MGAT5B: variants seen among roughly 807,000 people sequenced by gnomAD.
MGAT5B encodes alpha-1,6-mannosylglycoprotein 6-beta-N-acetylglucosaminyltransferase B.
In MGAT5B, 54 loss-of-function variants were observed where a neutral mutation model predicts 95.1. That is an observed-to-expected ratio of 0.57 (90% CI 0.46 to 0.71). MGAT5B has a LOEUF of 0.71. MGAT5B is among the 30% of genes least tolerant of loss of function. The pLI is 0.00. For missense variants in MGAT5B, 935 were observed against 1,088.6 expected, an observed-to-expected ratio of 0.86 and a Z score of 1.99; for synonymous variants, 464 against 451.0, an observed-to-expected ratio of 1.03 and a Z score of -0.36.
intron 3 of MGAT5B, among the ~76,000 whole-genome samples, chr17:76,901,032 TG>T (rs1292695343): frequency 9.2e-5 from 14 of 152,244 alleles, no homozygotes; most frequent in Admixed American, 6.5e-4. Context: ...ATCTGCCTTT[TG>T]TCCCCTCCAC....
At chr17:76,877,329 T>TA (rs34612127) in intron 2 of MGAT5B, among the ~76,000 whole-genome samples, 24,970 of 111,038 alleles carry the variant, frequency 0.22, 3,140 homozygotes, top group East Asian at 0.43. Context: ...TGTCTCGGCT[T>TA]AAAAAAAAAA....
At chr17:76,920,883 GTTC>G (rs1271274047) in intron 8 of MGAT5B, among the ~76,000 whole-genome samples, 4 of 152,252 alleles carry the variant, frequency 2.6e-5, no homozygotes, top group Non-Finnish European at 4.4e-5. Context: ...ATTGAAACCA[GTTC>G]TTCTCATCTA....
rs774514163 is a variant in MGAT5B, at chr17:76,926,648, C to T, written c.1209C>T (p.His403=). The part of the protein sequence containing the change: ...DTFGTEPAYN[H]EEYATLHGYR... ...TCGGGACGGAACCTGCGTACAACCA[C>T]GAGGAGTACGCCACGCTGCACGGCT... is the stretch of plus-strand genomic sequence containing the variant. The change falls in exon 10 of 18, where the codon CAC becomes CAT. Residue 403 remains histidine (H), a synonymous_variant. Transcript: ENST00000569840. 5.6e-6 allele frequency: 9 copies of T among 1,612,552 alleles called. No homozygotes were observed. The highest frequency in any genetic ancestry group is 2.2e-5 in the East Asian group (1 of 44,876).
rs1194796946 is a variant in MGAT5B at position 76,906,859 on chromosome 17, A to C, written c.1025+672A>C. 6.6e-6 allele frequency among the ~76,000 whole-genome samples: 1 copy of C among 152,008 alleles called. No homozygotes were observed. Among genetic ancestry groups the C allele is most frequent in the African/African-American group, 2.4e-5 (1 of 41,354 alleles). ...TCTTCTCTTTATTAATATTTATTGTAAGATATATGATGCATACAAAGTCTA... is the reference window on the plus strand; with the variant it reads ...TCTTCTCTTTATTAATATTTATTGTCAGATATATGATGCATACAAAGTCTA... On this transcript the variant is annotated intron_variant, in intron 8 of 17. Transcript: ENST00000569840. This position sits in a 1 kb window ranked among gnomAD's most constrained non-coding sequence, Gnocchi z 4.6.
At chr17:76,892,083 G>T (rs1298757248) in intron 3 of MGAT5B, among the ~76,000 whole-genome samples, 1 of 152,206 alleles carries the variant, frequency 6.6e-6, no homozygotes, top group African/African-American at 2.4e-5. Flanking sequence ...GTCTCACTCT[G>T]TTGCCCAACC....
chr17:76,897,665 CTTTCTTTCT>C lies in MGAT5B; in HGVS notation c.330-4887_330-4879del, dbSNP rs1567800113. Reference sequence around the variant, plus strand: ...CCCTATTCCCAAGTAAGGCCACTTTCTTTCTTTCTTTCTTTCTTTCTTTCTTTCTTTCTT... The same window carrying C: ...CCCTATTCCCAAGTAAGGCCACTTTCTTCTTTCTTTCTTTCTTTCTTTCTT... On this transcript the variant is annotated intron_variant, in intron 3 of 17. Coordinates refer to ENST00000569840, the MANE Select transcript of MGAT5B (RefSeq NM_001199172.2). Among the ~76,000 whole-genome samples, 21 of 51,182 alleles carry C rather than the reference CTTTCTTTCT, an allele frequency of 4.1e-4. 2 individuals are homozygous for C. The South Asian group carries it at 5.5e-3, about 13-fold the overall frequency. 33.6% of individuals were successfully genotyped at this position (51,182 alleles called of 152,430 possible).
Position 76,889,200 on chromosome 17 carries a change from C to G in MGAT5B, c.329+6902C>G, listed in dbSNP as rs1967780122. ...GGCTGGCGCAGGGGCAGTGTCAGCCCTGGGAGCTCGCCGTGTGACCTTGGG... is the reference window on the plus strand; with the variant it reads ...GGCTGGCGCAGGGGCAGTGTCAGCCGTGGGAGCTCGCCGTGTGACCTTGGG... On this transcript the variant is annotated intron_variant, in intron 3 of 17. Coordinates refer to ENST00000569840, the MANE Select transcript of MGAT5B (RefSeq NM_001199172.2). The surrounding 1 kb of genome is among the most constrained non-coding windows in gnomAD (Gnocchi z 4.4). 6.6e-6 allele frequency among the ~76,000 whole-genome samples: 1 copy of G among 152,118 alleles called. No individual in the cohort carries two copies. The highest frequency in any genetic ancestry group is 1.5e-5 in the Non-Finnish European group (1 of 68,016).
chr17:76,913,118 AG>A (rs1363193468), intron 8 of MGAT5B, among the ~76,000 whole-genome samples: 3 of 152,204 alleles, frequency 2.0e-5, no homozygotes, highest in African/African-American at 7.2e-5. Context: ...GAGGACTAGG[AG>A]GGACAACTCC....
intron 8 of MGAT5B, among the ~76,000 whole-genome samples, chr17:76,907,622 T>A (rs1413874103): frequency 6.6e-6 from 1 of 152,248 alleles, no homozygotes; most frequent in East Asian, 1.9e-4. Context: ...TGTCTGCGGA[T>A]ATTTTTTCCT....
chr17:76,894,446 T>C (rs1265539102), intron 3 of MGAT5B, among the ~76,000 whole-genome samples: 2 of 152,220 alleles, frequency 1.3e-5, no homozygotes, highest in Non-Finnish European at 2.9e-5. Flanking sequence ...TCAATGCCTG[T>C]TGGCTGTGTA....
rs1415464827 is a variant in MGAT5B, at chr17:76,918,274, TC to T, written c.1026-6690del. ...GGCTAAAGAGCACCCAGACTGTGCCTCCATCTGCCTTTGGACTCCCTTTTCC... is the reference window on the plus strand; with the variant it reads ...GGCTAAAGAGCACCCAGACTGTGCCTCATCTGCCTTTGGACTCCCTTTTCC... On this transcript the variant is annotated intron_variant, in intron 8 of 17. Coordinates refer to ENST00000569840, the MANE Select transcript of MGAT5B (RefSeq NM_001199172.2). The surrounding 1 kb of genome is among the most constrained non-coding windows in gnomAD (Gnocchi z 5.1). Among the ~76,000 whole-genome samples, 1 of 151,988 alleles carries T rather than the reference TC, an allele frequency of 6.6e-6. No individual in the cohort carries two copies. The highest frequency in any genetic ancestry group is 1.5e-5 in the Non-Finnish European group (1 of 67,980).
At chr17:76,884,002 G>A (rs993796753) in intron 3 of MGAT5B, among the ~76,000 whole-genome samples, 1 of 152,236 alleles carries the variant, frequency 6.6e-6, no homozygotes, top group African/African-American at 2.4e-5. Context: ...TGGCCTTGCC[G>A]ATTGAGTGAA....
rs1968932746 is a variant in MGAT5B, at chr17:76,916,228, C to T, written c.1026-8738C>T. ...TCTTCCTCGGGATCCAGGAGAGACC[C>T]TTCCTTGCAAGGGCCTCGCCTCCCC... On this transcript the variant is annotated intron_variant, in intron 8 of 17. Transcript: ENST00000569840. The surrounding 1 kb of genome is among the most constrained non-coding windows in gnomAD (Gnocchi z 5.3). Among the ~76,000 whole-genome samples the T allele has an allele frequency of 6.6e-6, 1 of 152,194 alleles. No homozygotes were observed. The highest frequency in any genetic ancestry group is 2.4e-5 in the African/African-American group (1 of 41,434).
intron 12 of MGAT5B, among the ~76,000 whole-genome samples, chr17:76,936,191 G>A (rs562387837): frequency 3.2e-4 from 49 of 151,956 alleles, no homozygotes; most frequent in Non-Finnish European, 5.9e-4. Context: ...GGTGGATCCC[G>A]AGGTCAGGAG....
rs948223061 is a variant in MGAT5B at position 76,914,856 on chromosome 17, T to A, written c.1025+8669T>A. Among the ~76,000 whole-genome samples the A allele has an allele frequency of 6.6e-6, 1 of 152,200 alleles. No homozygotes were observed. The highest frequency in any genetic ancestry group is 1.5e-5 in the Non-Finnish European group (1 of 68,040). ...TTTCACCATGTGGGCCAGGCTGGTCTCAAACTCCTGACCTCAGGTGTTCCA... is the reference window on the plus strand; with the variant it reads ...TTTCACCATGTGGGCCAGGCTGGTCACAAACTCCTGACCTCAGGTGTTCCA... On this transcript the variant is annotated intron_variant, in intron 8 of 17. Transcript: ENST00000569840. This position sits in a 1 kb window ranked among gnomAD's most constrained non-coding sequence, Gnocchi z 5.1.
At chr17:76,947,200 A>G (rs912502911) in intron 16 of MGAT5B, among the ~76,000 whole-genome samples, 10 of 152,152 alleles carry the variant, frequency 6.6e-5, no homozygotes, top group African/African-American at 1.7e-4. Flanking sequence ...AGAAATTTCC[A>G]CAGATAGTAC....
rs1163057301 is a variant in MGAT5B at position 76,914,251 on chromosome 17, G to A, written c.1025+8064G>A. Among the ~76,000 whole-genome samples, 1 of 152,250 alleles carries A rather than the reference G, an allele frequency of 6.6e-6. No individual in the cohort carries two copies. The highest frequency in any genetic ancestry group is 2.4e-5 in the African/African-American group (1 of 41,474). On this transcript the variant is annotated intron_variant, in intron 8 of 17. Coordinates refer to ENST00000569840, the MANE Select transcript of MGAT5B (RefSeq NM_001199172.2). This position sits in a 1 kb window ranked among gnomAD's most constrained non-coding sequence, Gnocchi z 5.1. ...TGGGGACAAAGGTCCTAAACCCAGTGGGCTGTGGGAGTGTGGAAGGCGGGA... is the reference window on the plus strand; with the variant it reads ...TGGGGACAAAGGTCCTAAACCCAGTAGGCTGTGGGAGTGTGGAAGGCGGGA...
rs1172101123 is a variant in MGAT5B, at chr17:76,889,952, A to G, written c.329+7654A>G. ...CCTGAGGGCTTCCTGATCATGACGA[A>G]TGTCCCCAGCTTTTCTGTTGAAGGC... On this transcript the variant is annotated intron_variant, in intron 3 of 17. Transcript: ENST00000569840. The surrounding 1 kb of genome is among the most constrained non-coding windows in gnomAD (Gnocchi z 4.4). Among the ~76,000 whole-genome samples the G allele has an allele frequency of 1.3e-5, 2 of 152,212 alleles. No homozygotes were observed. The highest frequency in any genetic ancestry group is 2.9e-5 in the Non-Finnish European group (2 of 68,040).
chr17:76,889,607 G>A lies in MGAT5B; in HGVS notation c.329+7309G>A, dbSNP rs1967794760. On this transcript the variant is annotated intron_variant, in intron 3 of 17. Coordinates refer to ENST00000569840, the MANE Select transcript of MGAT5B (RefSeq NM_001199172.2). This position sits in a 1 kb window ranked among gnomAD's most constrained non-coding sequence, Gnocchi z 4.4. ...CATGTTCTGGATTCCAACAGACTTT[G>A]CTGCAGAGCTGGCTGAAGTAATAAT... Among the ~76,000 whole-genome samples, 1 of 152,236 alleles carries A rather than the reference G, an allele frequency of 6.6e-6. No homozygotes were observed. Among genetic ancestry groups the A allele is most frequent in the Non-Finnish European group, 1.5e-5 (1 of 68,046 alleles).
Sources: allele counts gnomAD v4.1 joint callset (sites outside exome capture counted in the v4.1 genomes callset), GRCh38; gene constraint gnomAD v4.1.1; non-coding constraint Gnocchi (gnomAD v3.1); transcripts MANE v1.5; gene names NCBI Gene and HGNC (gene_info 2026-07-23, HGNC 2026-07-21).